Variants in RDX observed in about 807,000 individuals in gnomAD.
The protein encoded by RDX is radixin.
A neutral mutation model predicts 83.7 loss-of-function variants in RDX; 32 were observed. The ratio of observed to expected loss-of-function variants is 0.38; its 90% CI spans 0.29 to 0.51. The LOEUF is 0.51. Ranked by LOEUF, RDX falls within the 20% of genes least tolerant of loss-of-function variation. The pLI is 0.87. For synonymous variants in RDX, 229 were observed against 222.7 expected, an observed-to-expected ratio of 1.03 and a Z score of -0.25; for missense variants, 600 against 689.9, an observed-to-expected ratio of 0.87 and a Z score of 1.46.
At chr11:110,226,152 G>A (rs1427396889), downstream of RDX, among the ~76,000 whole-genome samples, 1 of 151,320 alleles carries the variant, frequency 6.6e-6, no homozygotes, top group African/African-American at 2.4e-5. Context: ...AGAACTGAAA[G>A]CAGGGACTCT....
intron 5 of RDX, among the ~76,000 whole-genome samples, chr11:110,259,691 C>G (rs539459849): frequency 1.3e-5 from 2 of 152,178 alleles, no homozygotes; most frequent in Admixed American, 6.5e-5. Context: ...TGCTGTCTGG[C>G]CTCTGGGCTC....
At chr11:110,289,979 A>AAAAAAAAAAAAAAAAC (rs1555049799) in intron 1 of RDX, among the ~76,000 whole-genome samples, 13 of 144,708 alleles carry the variant, frequency 9.0e-5, no homozygotes, top group African/African-American at 3.5e-4. Context: ...AAAAAAAAAA[A>AAAAAAAAAAAAAAAAC]AAACAAGGGT....
chr11:110,285,173 G>C (rs1020075681), intron 1 of RDX, among the ~76,000 whole-genome samples: 4 of 151,358 alleles, frequency 2.6e-5, no homozygotes, highest in African/African-American at 9.7e-5. Flanking sequence ...CGGATCACGA[G>C]GTCAGGAGTT....
At chr11:110,236,741 C>T in intron 11 of RDX, 1 of 156,598 alleles carries the variant, frequency 6.4e-6, no homozygotes, top group South Asian at 2.0e-4. Flanking sequence ...CTGCTTCAGC[C>T]TCCCGAGTAG....
At chr11:110,251,707 C>T (rs1049036814) in intron 9 of RDX, among the ~76,000 whole-genome samples, 5 of 152,034 alleles carry the variant, frequency 3.3e-5, no homozygotes, top group Admixed American at 6.6e-5. Flanking sequence ...CATACAAAAA[C>T]GTGCAAAAAT....
chr11:110,203,150 C>T (rs554760677), intron 14 of RDX, among the ~76,000 whole-genome samples: 2 of 152,130 alleles, frequency 1.3e-5, no homozygotes, highest in Admixed American at 6.5e-5. Context: ...AAATGTGGTA[C>T]TTGCATACAA....
At chr11:110,292,459 G>C (rs1484650429) in intron 1 of RDX, among the ~76,000 whole-genome samples, 1 of 150,778 alleles carries the variant, frequency 6.6e-6, no homozygotes, top group African/African-American at 2.5e-5. Flanking sequence ...GACAGAGGAA[G>C]ACTCTGTTTT....
In RDX at chr11:110,183,106, T is replaced by A. The variant is rs1862919278; in HGVS notation, c.*32-7872A>T. Reference sequence around the variant, plus strand: ...GATGACTCAAGCTTGCTAATGTGGGTTACCCGCACCTTGGTTCAACCACCA... The same window carrying A: ...GATGACTCAAGCTTGCTAATGTGGGATACCCGCACCTTGGTTCAACCACCA... On this transcript the variant is annotated intron_variant, in intron 15 of 15. Coordinates refer to the RDX transcript ENST00000528498. 1.3e-5 allele frequency among the ~76,000 whole-genome samples: 2 copies of A among 152,106 alleles called. 1 individual carries two copies. The highest frequency in any genetic ancestry group is 4.1e-4 in the South Asian group (2 of 4,824).
chr11:110,209,340 G>T (rs536573862), intron 14 of RDX, among the ~76,000 whole-genome samples: 120 of 151,954 alleles, frequency 7.9e-4, no homozygotes, highest in African/African-American at 2.7e-3. Flanking sequence ...AGGGTCCTAC[G>T]CCCACGGAGT....
intron 15 of RDX, among the ~76,000 whole-genome samples, chr11:110,176,010 A>G (rs1009743901): frequency 6.6e-6 from 1 of 151,748 alleles, no homozygotes; most frequent in Non-Finnish European, 1.5e-5. Flanking sequence ...GGGAGTGGGG[A>G]CTACAGGAGG....
Position 110,257,778 on chromosome 11 carries a change from C to A in RDX, c.687G>T (p.Glu229Asp), listed in dbSNP as rs759844390. Residue 229 changes from glutamate (E) to aspartate (D), a missense_variant, in exon 7 of 14, where the codon GAG becomes GAT. Physicochemically the swap from Glu to Asp is conservative, Grantham distance 45 (BLOSUM62 2). Transcript: ENST00000645495. Reference sequence around the variant, plus strand: ...ACTAATTTACTTACTTGTCGTCATGCTCATAAATATTCAGACCCAAAGCAT... The same window carrying A: ...ACTAATTTACTTACTTGTCGTCATGATCATAAATATTCAGACCCAAAGCAT... ...GVDALGLNIYEHDDKLTPKIG... is the reference protein window; with the variant it reads ...GVDALGLNIYDHDDKLTPKIG... The A allele has an allele frequency of 1.9e-6, 3 of 1,611,778 alleles. No individual in the cohort carries two copies. The highest frequency in any genetic ancestry group is 2.2e-5 in the South Asian group (2 of 90,992).
At chr11:110,234,083 A>T (rs1199193032) in intron 12 of RDX, among the ~76,000 whole-genome samples, 1 of 152,040 alleles carries the variant, frequency 6.6e-6, no homozygotes. Flanking sequence ...TATGAACAAT[A>T]CCCCCTTTTT....
chr11:110,210,774 C>A lies in RDX; in HGVS notation c.1749-11096G>T, dbSNP rs1388740853. ...AGTGAAGGAGAAATAAAATACTTTA[C>A]GGACAAGCAAATGCTGAGAGATTTT... On this transcript the variant is annotated intron_variant, in intron 14 of 15. Coordinates refer to the RDX transcript ENST00000528498. Among the ~76,000 whole-genome samples, 5 of 152,136 alleles carry A rather than the reference C, an allele frequency of 3.3e-5. No homozygotes were observed. The South Asian group carries it at 1.0e-3, about 32-fold the overall frequency.
intron 11 of RDX, 121 bp from the exon 12 acceptor site, chr11:110,236,312 A>T: frequency 2.8e-6 from 2 of 722,968 alleles, no homozygotes; most frequent in East Asian, 5.5e-5. Flanking sequence ...CCATTTAAAA[A>T]AATACAGTAT....
At chr11:110,202,411 A>G (rs1863446013) in intron 14 of RDX, among the ~76,000 whole-genome samples, 1 of 151,752 alleles carries the variant, frequency 6.6e-6, no homozygotes, top group African/African-American at 2.4e-5. Context: ...AAATCTGTCT[A>G]GTTTAGTATA....
intron 14 of RDX, among the ~76,000 whole-genome samples, chr11:110,222,048 G>T (rs1196297794): frequency 6.6e-6 from 1 of 152,020 alleles, no homozygotes; most frequent in Non-Finnish European, 1.5e-5. Context: ...CATGGAAAAG[G>T]GAATAAACAT....
chr11:110,277,982 C>T (rs548970940), intron 2 of RDX, among the ~76,000 whole-genome samples: 111 of 152,132 alleles, frequency 7.3e-4, no homozygotes, highest in Non-Finnish European at 1.4e-3. Flanking sequence ...AATTGTGAGA[C>T]AACAGTCAAT....
At chr11:110,267,476 G>A (rs899615153) in intron 3 of RDX, among the ~76,000 whole-genome samples, 1 of 150,396 alleles carries the variant, frequency 6.6e-6, no homozygotes, top group African/African-American at 2.4e-5. Flanking sequence ...TCGCGCCACT[G>A]CACTCCAGCC....
chr11:110,186,607 T>C (rs552790050), intron 15 of RDX, among the ~76,000 whole-genome samples: 1 of 151,998 alleles, frequency 6.6e-6, no homozygotes, highest in South Asian at 2.1e-4. Context: ...GCAGCCCCCA[T>C]GATGGCACCC....
Sources: gnomAD v4.1 joint callset for allele counts (sites outside exome capture counted in the v4.1 genomes callset) on GRCh38, gnomAD v4.1.1 for gene constraint, MANE v1.5 for transcripts, NCBI Gene and HGNC (gene_info 2026-07-23, HGNC 2026-07-21) for gene names.